Variants in SAP30BP observed in about 807,000 individuals in gnomAD.
The protein encoded by SAP30BP is SAP30-binding protein.
A neutral mutation model predicts 46.3 loss-of-function variants in SAP30BP; 31 were observed. The observed-to-expected ratio is 0.67, with a 90% confidence interval of 0.50 to 0.90. The LOEUF (loss-of-function observed/expected upper bound fraction) is 0.90, where lower values mean the gene tolerates loss of function less well. SAP30BP is among the 40% of genes least tolerant of loss of function. The probability of loss-of-function intolerance (pLI) is 0.00; values close to 1 mark genes in which losing one functional copy is unlikely to be tolerated. For missense variants in SAP30BP, 312 were observed against 391.0 expected (o/e 0.80, Z 1.70); for synonymous variants, 169 against 144.2 (o/e 1.17, Z -1.23).
intron 2 of SAP30BP, among the ~76,000 whole-genome samples, chr17:75,669,578 A>T (rs574739544): frequency 6.6e-6 from 1 of 151,868 alleles, no homozygotes; most frequent in Non-Finnish European, 1.5e-5. Context: ...TTTTGTAGAG[A>T]CGTTGTTTCA....
intron 2 of SAP30BP, 143 bp downstream of exon 2, chr17:75,668,768 G>A: frequency 1.0e-5 from 6 of 588,446 alleles, no homozygotes; most frequent in African/African-American, 2.0e-5. Flanking sequence ...GAAGAAACTG[G>A]ATTGGATATC....
intron 3 of SAP30BP, among the ~76,000 whole-genome samples, chr17:75,677,567 G>T (rs1599107579): frequency 6.6e-6 from 1 of 151,078 alleles, no homozygotes; most frequent in Admixed American, 6.6e-5. Context: ...GAGTAGCTGG[G>T]ATTACAGATG....
At chr17:75,704,552 C>T (rs969731950) in intron 8 of SAP30BP, among the ~76,000 whole-genome samples, 1 of 152,218 alleles carries the variant, frequency 6.6e-6, no homozygotes, top group Non-Finnish European at 1.5e-5. Context: ...TCCGGGCACA[C>T]ACAGGGCATG....
At chr17:75,678,463 A>AC (rs2060025216) in intron 3 of SAP30BP, among the ~76,000 whole-genome samples, 4 of 147,648 alleles carry the variant, frequency 2.7e-5, no homozygotes, top group South Asian at 4.3e-4. Flanking sequence ...CACAATTTAA[A>AC]ACACACACAC....
chr17:75,695,555 T>G (rs981288956), intron 4 of SAP30BP, among the ~76,000 whole-genome samples: 2 of 152,182 alleles, frequency 1.3e-5, no homozygotes, highest in African/African-American at 2.4e-5. Context: ...ATCGTTTTGA[T>G]TACTCACCAT....
At chr17:75,687,917 G>GGGGCGT (rs557349211) in intron 3 of SAP30BP, among the ~76,000 whole-genome samples, 2 of 120,366 alleles carry the variant, frequency 1.7e-5, no homozygotes, top group African/African-American at 6.1e-5. Flanking sequence ...CAGTGTTTGG[G>GGGGCGT]GTGTGTGTGT....
chr17:75,689,698 C>T (rs2060214039), intron 3 of SAP30BP, among the ~76,000 whole-genome samples: 1 of 152,222 alleles, frequency 6.6e-6, no homozygotes, highest in South Asian at 2.1e-4. Context: ...CGAGTCAAGA[C>T]AGGTGTTTCC....
chr17:75,682,509 C>T (rs2060092457), intron 3 of SAP30BP, among the ~76,000 whole-genome samples: 1 of 152,108 alleles, frequency 6.6e-6, no homozygotes, highest in Non-Finnish European at 1.5e-5. Context: ...CGGCCTCATA[C>T]AGCCATTTTT....
chr17:75,704,871 G>T, intron 9 of SAP30BP, 57 bp downstream of exon 9: 2 of 1,381,824 alleles, frequency 1.4e-6, no homozygotes, highest in Non-Finnish European at 2.1e-6. Flanking sequence ...CATGGGTCCT[G>T]CTGGCTGAGC....
chr17:75,693,550 G>GC (rs2060270650), intron 4 of SAP30BP, 68 bp downstream of exon 4: 15 of 1,444,856 alleles, frequency 1.0e-5, no homozygotes, highest in Non-Finnish European at 1.4e-5. Flanking sequence ...TTCCAGCCAT[G>GC]CCAGGCCTGC....
intron 7 of SAP30BP, 174 bp downstream of exon 7, chr17:75,703,545 A>T (rs1428774716): frequency 1.5e-6 from 1 of 655,826 alleles, no homozygotes; most frequent in Non-Finnish European, 2.7e-6. Context: ...TCCAATAAAG[A>T]GATTCCGGTG....
At chr17:75,676,205 C>G (rs2059988212) in intron 3 of SAP30BP, among the ~76,000 whole-genome samples, 1 of 152,212 alleles carries the variant, frequency 6.6e-6, no homozygotes, top group South Asian at 2.1e-4. Context: ...TTCTGCTTCC[C>G]TAAAATCCAC....
At chr17:75,672,040 A>G (rs2059915382) in intron 3 of SAP30BP, 177 bp downstream of exon 3, 6 of 612,496 alleles carry the variant, frequency 9.8e-6, no homozygotes, top group Non-Finnish European at 1.8e-5. Context: ...TCAGGAATGA[A>G]CAAATCCTGA....
intron 2 of SAP30BP, 79 bp downstream of exon 2, chr17:75,668,704 C>T: frequency 1.1e-6 from 1 of 924,300 alleles, no homozygotes; most frequent in Admixed American, 2.5e-5. Context: ...CAACAGTGTT[C>T]CATTTCATGG....
intron 5 of SAP30BP, among the ~76,000 whole-genome samples, chr17:75,700,689 G>C (rs1197551246): frequency 6.6e-6 from 1 of 152,118 alleles, no homozygotes; most frequent in Non-Finnish European, 1.5e-5. Context: ...TTCCCTTCCC[G>C]GAAGTCTCCT....
chr17:75,681,078 T>C (rs553839282), intron 3 of SAP30BP, among the ~76,000 whole-genome samples: 12 of 152,352 alleles, frequency 7.9e-5, no homozygotes, highest in African/African-American at 2.4e-4. Context: ...CTGTTTCTTA[T>C]GTCATTAGCT....
At position 75,677,432 on chromosome 17, in the gene SAP30BP, CT is replaced by C. The variant is rs35570298; in HGVS notation, c.264+5586del. On this transcript the variant is annotated intron_variant, in intron 3 of 10. Transcript: ENST00000584667. ...GCTGACCATTCTTAAGTGAAACTGG[CT>C]TTTTTTTTTTTTTTTTGGAAACGAA... Among the ~76,000 whole-genome samples the C allele has an allele frequency of 1.6e-3, 186 of 118,254 alleles. 2 individuals carry two copies. The South Asian group carries it at 0.021, about 13-fold the overall frequency. 77.6% of individuals were successfully genotyped at this position (118,254 alleles called of 152,430 possible). A position where few individuals can be genotyped will look rare whatever the true frequency, so the allele number is the denominator to read the frequency against.
At chr17:75,690,737 CAG>C (rs1304139373) in intron 3 of SAP30BP, 2 of 456,572 alleles carry the variant, frequency 4.4e-6, no homozygotes, top group Non-Finnish European at 4.4e-6. Flanking sequence ...TTGTTGGACT[CAG>C]AGGGCAGAAG....
chr17:75,674,746 G>A (rs1297053682), intron 3 of SAP30BP, among the ~76,000 whole-genome samples: 3 of 112,328 alleles, frequency 2.7e-5, no homozygotes, highest in African/African-American at 3.5e-5. Flanking sequence ...CTCCTCTGTC[G>A]CCTGGAGTGC....
Sources: allele counts gnomAD v4.1 joint callset (sites outside exome capture counted in the v4.1 genomes callset), GRCh38; gene constraint gnomAD v4.1.1; transcripts MANE v1.5; gene names NCBI Gene and HGNC (gene_info 2026-07-23, HGNC 2026-07-21).